Variants in POU6F2 observed in about 807,000 individuals in gnomAD.
The protein encoded by POU6F2 is POU domain, class 6, transcription factor 2.
Under a neutral mutation model 71.3 loss-of-function variants are expected in POU6F2, and 31 were observed. The observed-to-expected ratio is 0.43, with a 90% CI of 0.33 to 0.59. The LOEUF is 0.59. Ranked by LOEUF, POU6F2 falls within the 20% of genes least tolerant of loss-of-function variation. POU6F2 has a pLI of 0.04. For synonymous variants in POU6F2, 347 were observed against 355.7 expected (o/e 0.98, Z 0.27); for missense variants, 783 against 856.8 (o/e 0.91, Z 1.07).
intron 4 of POU6F2, among the ~76,000 whole-genome samples, chr7:39,253,016 C>G (rs1438833952): frequency 2.6e-5 from 4 of 152,220 alleles, no homozygotes; most frequent in Non-Finnish European, 5.9e-5. Flanking sequence ...GCTGGCTTCC[C>G]AGCTTCAGAG....
chr7:39,189,031 A>G (rs950587647), intron 2 of POU6F2, among the ~76,000 whole-genome samples: 2 of 152,198 alleles, frequency 1.3e-5, no homozygotes, highest in African/African-American at 4.8e-5. Flanking sequence ...GGGGTCCATC[A>G]TATACTCTCA....
chr7:39,073,905 G>A (rs968521269), intron 1 of POU6F2, among the ~76,000 whole-genome samples: 1 of 152,214 alleles, frequency 6.6e-6, no homozygotes, highest in Non-Finnish European at 1.5e-5. Flanking sequence ...TGTGAACCTT[G>A]TAGAATTAAA....
At chr7:39,257,526 C>A (rs964198649) in intron 4 of POU6F2, among the ~76,000 whole-genome samples, 4 of 152,104 alleles carry the variant, frequency 2.6e-5, no homozygotes, top group African/African-American at 9.7e-5. Flanking sequence ...CATTGTGTCT[C>A]CGTAGGATTA....
chr7:39,416,814 T>TAAAAAAAA (rs531942673), intron 6 of POU6F2, among the ~76,000 whole-genome samples: 3 of 142,438 alleles, frequency 2.1e-5, no homozygotes, highest in African/African-American at 7.7e-5. Flanking sequence ...GTTAAAAATG[T>TAAAAAAAA]AAAAAAAAAA....
chr7:39,284,932 A>G (rs1023631236), intron 4 of POU6F2, among the ~76,000 whole-genome samples: 2 of 152,172 alleles, frequency 1.3e-5, no homozygotes, highest in Non-Finnish European at 2.9e-5. Context: ...TCTCACAGGC[A>G]AGGTCCGTAG....
chr7:39,092,668 G>A (rs1279037464), intron 2 of POU6F2, among the ~76,000 whole-genome samples: 1 of 152,070 alleles, frequency 6.6e-6, no homozygotes, highest in African/African-American at 2.4e-5. Flanking sequence ...ATGTTGATCT[G>A]ATTCTTAATC....
chr7:39,106,781 G>A (rs1030209261), intron 2 of POU6F2, among the ~76,000 whole-genome samples: 11 of 152,140 alleles, frequency 7.2e-5, no homozygotes, highest in Admixed American at 5.9e-4. Context: ...ATACAACTAT[G>A]AACAGTGTTT....
chr7:39,040,134 A>G (rs541849826), intron 1 of POU6F2, among the ~76,000 whole-genome samples: 3 of 15,014 alleles, frequency 2.0e-4, no homozygotes, highest in South Asian at 3.2e-3. Flanking sequence ...ATATATATAT[A>G]TAAATCCCAG....
chr7:39,236,321 A>G (rs1032711787), intron 4 of POU6F2, among the ~76,000 whole-genome samples: 4 of 152,172 alleles, frequency 2.6e-5, no homozygotes, highest in African/African-American at 9.7e-5. Context: ...AATTAATATC[A>G]TAGCACTTAT....
At chr7:39,290,554 C>T (rs1784733071) in intron 4 of POU6F2, among the ~76,000 whole-genome samples, 1 of 152,190 alleles carries the variant, frequency 6.6e-6, no homozygotes, top group Non-Finnish European at 1.5e-5. Context: ...GCTACAAAAT[C>T]AATAGATGTT....
intron 2 of POU6F2, among the ~76,000 whole-genome samples, chr7:39,177,970 C>T (rs1793362502): frequency 6.6e-6 from 1 of 152,106 alleles, no homozygotes; most frequent in African/African-American, 2.4e-5. Context: ...TTAAAACTTT[C>T]TTCAGCCAGG....
At chr7:39,216,590 C>T (rs1179296224) in intron 4 of POU6F2, among the ~76,000 whole-genome samples, 1 of 151,996 alleles carries the variant, frequency 6.6e-6, no homozygotes, top group Non-Finnish European at 1.5e-5. Context: ...CTGTCTAGAT[C>T]GTGGTGATGG....
chr7:39,322,446 G>A (rs1272621388), intron 4 of POU6F2, among the ~76,000 whole-genome samples: 1 of 152,038 alleles, frequency 6.6e-6, no homozygotes, highest in East Asian at 1.9e-4. Flanking sequence ...GTGGAATTTG[G>A]GTCAGCCCTT....
chr7:39,176,745 C>T (rs990026565), intron 2 of POU6F2, among the ~76,000 whole-genome samples: 10 of 152,216 alleles, frequency 6.6e-5, no homozygotes, highest in African/African-American at 2.4e-4. Flanking sequence ...AGAAATAACA[C>T]ATTTTCCAAA....
rs566139773 is a variant in POU6F2 at position 39,274,368 on chromosome 7, A to C, written c.599-65274A>C. On this transcript the variant is annotated intron_variant, in intron 4 of 9. Transcript: ENST00000518318. ...AAACCAGGAAGAAGTTGAATCTCTG[A>C]ATAGACCAATAACAGGATCTGAAAT... is the stretch of plus-strand genomic sequence containing the variant. 5.2e-3 allele frequency among the ~76,000 whole-genome samples: 785 copies of C among 151,430 alleles called. 8 individuals carry two copies. Among genetic ancestry groups the C allele is most frequent in the Non-Finnish European group, 6.5e-3 (437 of 67,686 alleles).
intron 4 of POU6F2, among the ~76,000 whole-genome samples, chr7:39,231,708 T>A (rs967580410): frequency 2.0e-5 from 3 of 152,214 alleles, no homozygotes; most frequent in African/African-American, 4.8e-5. Context: ...CCCTGCATGT[T>A]CTCTCTTCCT....
intron 1 of POU6F2, among the ~76,000 whole-genome samples, chr7:39,075,921 T>C (rs1790993022): frequency 6.6e-6 from 1 of 152,202 alleles, no homozygotes; most frequent in South Asian, 2.1e-4. Flanking sequence ...TCCTTTCCAG[T>C]GTAGCTATGA....
intron 2 of POU6F2, among the ~76,000 whole-genome samples, chr7:39,190,592 G>A (rs1793642480): frequency 6.7e-6 from 1 of 149,088 alleles, no homozygotes; most frequent in African/African-American, 2.5e-5. Flanking sequence ...CAAGGACTGG[G>A]TGTTTCTTTC....
chr7:39,449,332 A>T (rs931530264), intron 7 of POU6F2, among the ~76,000 whole-genome samples: 1 of 152,352 alleles, frequency 6.6e-6, no homozygotes, highest in South Asian at 2.1e-4. Flanking sequence ...GGGGACCAGA[A>T]GGGGAAATAG....
Sources: gnomAD v4.1 joint callset for allele counts (sites outside exome capture counted in the v4.1 genomes callset) on GRCh38, gnomAD v4.1.1 for gene constraint, MANE v1.5 for transcripts, NCBI Gene and HGNC (gene_info 2026-07-23, HGNC 2026-07-21) for gene names.